The following ARHGAP21 variants were observed in gnomAD, a reference collection of about 807,000 sequenced individuals.
ARHGAP21 encodes Rho GTPase activating protein 21, also known as rho GTPase-activating protein 21.
Under a neutral mutation model 164.6 loss-of-function variants are expected in ARHGAP21, and 38 were observed. The ratio of observed to expected loss-of-function variants is 0.23; its 90% CI spans 0.18 to 0.30. The LOEUF is 0.30. ARHGAP21 is among the 10% of genes least tolerant of loss of function. ARHGAP21 has a pLI of 1.00. For synonymous variants in ARHGAP21, 766 were observed against 857.9 expected (o/e 0.89, Z 1.87); for missense variants, 1,822 against 2,370.7 (o/e 0.77, Z 4.81).
At chr10:24,668,986 C>T (rs1483370179) in intron 3 of ARHGAP21, among the ~76,000 whole-genome samples, 4 of 152,064 alleles carry the variant, frequency 2.6e-5, no homozygotes, top group African/African-American at 7.2e-5. Flanking sequence ...TGACCTAATG[C>T]GTAAGTAACA....
chr10:24,698,325 T>C (rs900457754), intron 2 of ARHGAP21, among the ~76,000 whole-genome samples: 6 of 152,156 alleles, frequency 3.9e-5, no homozygotes, highest in Non-Finnish European at 8.8e-5. Context: ...GTTTATAACA[T>C]AAGAAAACTA....
rs1845983119 is a variant in ARHGAP21 at position 24,721,970 on chromosome 10, C to A, written c.-71G>T. On this transcript the variant is annotated 5_prime_UTR_variant, in exon 2 of 26. Transcript: ENST00000396432. ...TTGGACGTGGCGGGGAATGCCACCA[C>A]ACACCCGAAGGGGAAGAATTCCACA... 6.6e-7 allele frequency: 1 copy of A among 1,516,086 alleles called. No individual in the cohort carries two copies. Among genetic ancestry groups the A allele is most frequent in the African/African-American group, 1.4e-5 (1 of 73,014 alleles). The allele number at this position is 1,516,086 out of a possible 1,614,324, so 93.9% of individuals were successfully genotyped here.
Position 24,595,146 on chromosome 10 carries a change from G to A in ARHGAP21, c.3757C>T (p.Leu1253=), listed in dbSNP as rs769101564. ...FIEANRKEDP[L]DRLKTLKRLI... ...CTTTTTAATGTTTTCAGACGATCTA[G>A]AGGATCTTCTTTACGATTGGCTTCA... is the stretch of plus-strand genomic sequence containing the variant. The change falls in exon 20 of 26, where the codon CTA becomes TTA. Residue 1253 remains leucine, a synonymous_variant. Transcript: ENST00000396432. The A allele has an allele frequency of 1.2e-5, 19 of 1,611,524 alleles. No homozygotes were observed. The East Asian group carries it at 4.1e-4, about 35-fold the overall frequency.
At chr10:24,672,378 C>T (rs1392548960) in intron 2 of ARHGAP21, among the ~76,000 whole-genome samples, 1 of 152,184 alleles carries the variant, frequency 6.6e-6, no homozygotes, top group Non-Finnish European at 1.5e-5. Context: ...TTGTCTCAGG[C>T]TCCTTTGTTC....
intron 16 of ARHGAP21, 21 bp from the exon 17 acceptor site, chr10:24,596,903 TAAAAC>T (rs2076607196): frequency 3.2e-6 from 5 of 1,584,934 alleles, no homozygotes; most frequent in Non-Finnish European, 4.3e-6. Context: ...CCAGTCAAAA[TAAAAC>T]AACATAATAA....
chr10:24,683,417 TTTTAA>T (rs1340953884), intron 2 of ARHGAP21, among the ~76,000 whole-genome samples: 1 of 152,180 alleles, frequency 6.6e-6, no homozygotes, highest in Non-Finnish European at 1.5e-5. Flanking sequence ...GGTTCTGGTT[TTTTAA>T]TTTAATTTTT....
At chr10:24,708,664 C>T (rs1226786275) in intron 2 of ARHGAP21, among the ~76,000 whole-genome samples, 1 of 152,162 alleles carries the variant, frequency 6.6e-6, no homozygotes, top group East Asian at 1.9e-4. Context: ...CACTTATGAG[C>T]GAGAACATGC....
At chr10:24,590,946 A>C in intron 24 of ARHGAP21, 2 of 965,946 alleles carry the variant, frequency 2.1e-6, no homozygotes, top group Non-Finnish European at 2.5e-6. Context: ...GAATTAAAAA[A>C]AAAAAAAAAA....
chr10:24,628,666 T>C (rs1835377601), intron 7 of ARHGAP21, among the ~76,000 whole-genome samples: 1 of 151,598 alleles, frequency 6.6e-6, no homozygotes, highest in South Asian at 2.1e-4. Flanking sequence ...CTGTTAGTTG[T>C]AAGTATGTTA....
chr10:24,589,409 A>AGTGG, intron 24 of ARHGAP21, 107 bp from the exon 25 acceptor site: 1 of 987,646 alleles, frequency 1.0e-6, no homozygotes, highest in Non-Finnish European at 1.5e-6. Context: ...ATGTGAAAGC[A>AGTGG]AAACTCAAAA....
chr10:24,720,254 C>CAAAA (rs55746821), intron 2 of ARHGAP21, among the ~76,000 whole-genome samples: 2 of 133,790 alleles, frequency 1.5e-5, no homozygotes, highest in African/African-American at 5.5e-5. Flanking sequence ...CTTAAATGAC[C>CAAAA]AAAAAAAAAA....
chr10:24,671,846 C>T (rs781047054), intron 2 of ARHGAP21, among the ~76,000 whole-genome samples: 8 of 151,284 alleles, frequency 5.3e-5, no homozygotes, highest in Non-Finnish European at 1.0e-4. Flanking sequence ...CCTCACCCTC[C>T]CAGGTAGATG....
chr10:24,704,217 T>C (rs1380355900), intron 2 of ARHGAP21, among the ~76,000 whole-genome samples: 1 of 151,940 alleles, frequency 6.6e-6, no homozygotes, highest in South Asian at 2.1e-4. Context: ...ATACTTTAAG[T>C]GGTGACACAG....
chr10:24,619,053 C>T (rs556055893), intron 9 of ARHGAP21, among the ~76,000 whole-genome samples: 1 of 152,172 alleles, frequency 6.6e-6, no homozygotes, highest in African/African-American at 2.4e-5. Context: ...TCTCAGTACA[C>T]GTTAAATTTA....
chr10:24,595,414 A>AT (rs759293017), intron 19 of ARHGAP21, among the ~76,000 whole-genome samples: 3 of 152,300 alleles, frequency 2.0e-5, no homozygotes, highest in Non-Finnish European at 4.4e-5. Flanking sequence ...AGTGTCTTAC[A>AT]TGGCACTTAA....
At chr10:24,713,546 C>T (rs530027754) in intron 2 of ARHGAP21, among the ~76,000 whole-genome samples, 16 of 152,096 alleles carry the variant, frequency 1.1e-4, no homozygotes, top group Admixed American at 2.6e-4. Context: ...TTCTTTTATT[C>T]ACAAATCTAC....
Position 24,702,902 on chromosome 10 carries a change from A to T in ARHGAP21, c.63+18935T>A, listed in dbSNP as rs562898372. Among the ~76,000 whole-genome samples, 7 of 152,364 alleles carry T rather than the reference A, an allele frequency of 4.6e-5. No homozygotes were observed. In the South Asian group the frequency reaches 1.2e-3, roughly 27 times the overall value. ...GAACAGGAAACAGTTTAAAACACAA[A>T]GATATTCACCACACATTATAAGAGC... On this transcript the variant is annotated intron_variant, in intron 2 of 25. Transcript: ENST00000396432.
At chr10:24,667,102 C>A in intron 3 of ARHGAP21, 93 bp from the exon 4 acceptor site, 1 of 647,796 alleles carries the variant, frequency 1.5e-6, no homozygotes, top group Admixed American at 3.8e-5. Flanking sequence ...AATCGACCTC[C>A]CCAGATTGTG....
In ARHGAP21 at chr10:24,666,854, G is replaced by T. The variant is rs964317524; in HGVS notation, c.268+131C>A. On this transcript the variant is annotated intron_variant, in intron 4 of 25. Transcript: ENST00000396432. The stretch of plus-strand genomic sequence containing the variant: ...CACAGTAAAAAACATTTAATTCTAT[G>T]ACTCTCACACCTAAGAACTATTATA... 1.2e-5 allele frequency: 7 copies of T among 566,038 alleles called. No individual in the cohort carries two copies. In the African/African-American group the frequency reaches 1.4e-4, roughly 11 times the overall value. 35.1% of individuals were successfully genotyped at this position (566,038 alleles called of 1,614,324 possible).
Sources: gnomAD v4.1 joint callset for allele counts (sites outside exome capture counted in the v4.1 genomes callset) on GRCh38, gnomAD v4.1.1 for gene constraint, MANE v1.5 for transcripts, NCBI Gene and HGNC (gene_info 2026-07-23, HGNC 2026-07-21) for gene names.